Variants in ARHGEF10 observed in about 807,000 individuals in gnomAD.
ARHGEF10 encodes Rho guanine nucleotide exchange factor (GEF) 10.
Under a neutral mutation model 147.4 loss-of-function variants are expected in ARHGEF10, and 140 were observed. That is an observed-to-expected ratio of 0.95 (90% CI 0.83 to 1.09). The LOEUF is 1.09. ARHGEF10 is among the 50% of genes least tolerant of loss of function. The pLI, the probability that ARHGEF10 is intolerant of heterozygous loss-of-function variation, is 0.00. For missense variants in ARHGEF10, 2,222 were observed against 1,752.7 expected (o/e 1.27, Z -4.78); for synonymous variants, 902 against 695.8 (o/e 1.30, Z -4.67).
Position 1,892,639 on chromosome 8 carries a change from A to ATG in ARHGEF10, c.1183-919_1183-918dup, listed in dbSNP as rs1468669215. Among the ~76,000 whole-genome samples the ATG allele has an allele frequency of 7.4e-5, 11 of 148,772 alleles. No homozygotes were observed. The East Asian group carries it at 1.8e-3, about 25-fold the overall frequency. On this transcript the variant is annotated intron_variant, in intron 11 of 28. Coordinates refer to ENST00000349830, the MANE Select transcript of ARHGEF10 (RefSeq NM_014629.4). The stretch of plus-strand genomic sequence containing the variant: ...TACACTGGAGTACCCGTGTGTGTGC[A>ATG]TGTGTGTGTGTGGTGTGCTTCCGTG...
At position 1,863,208 on chromosome 8, in the gene ARHGEF10, C is replaced by G. The variant is rs537596296; in HGVS notation, c.482-1165C>G. Among the ~76,000 whole-genome samples the G allele has an allele frequency of 3.0e-4, 45 of 152,250 alleles. 1 individual carries two copies. Among genetic ancestry groups the G allele is most frequent in the Non-Finnish European group, 5.1e-4 (35 of 68,034 alleles). On this transcript the variant is annotated intron_variant, in intron 4 of 28. Transcript: ENST00000349830. ...ACACCTGCCACTCAGGAAGGTGGCCCGGAACACTGAACCAGCAGATGCATG... is the reference window on the plus strand; with the variant it reads ...ACACCTGCCACTCAGGAAGGTGGCCGGGAACACTGAACCAGCAGATGCATG...
chr8:1,930,976 C>A (rs973546341), intron 25 of ARHGEF10, among the ~76,000 whole-genome samples: 3 of 152,228 alleles, frequency 2.0e-5, no homozygotes, highest in Non-Finnish European at 4.4e-5. Flanking sequence ...GCCTGGATTC[C>A]GGTCTGCACC....
Position 1,903,441 on chromosome 8 carries a change from A to G in ARHGEF10, c.1811A>G (p.Tyr604Cys), listed in dbSNP as rs779771692. Residue 604 changes from tyrosine (Y) to cysteine (C), a missense_variant, in exon 16 of 29, where the codon TAC becomes TGC. Physicochemically the swap from Tyr to Cys is radical, Grantham distance 194. Transcript: ENST00000349830. ...KQIAKAINER[Y>C]LNKLLSSGSR... ...ATAGCCAAAGCCATAAACGAAAGAT[A>G]CCTGAACAAGGTTGAGAGAGGTTTT... is the stretch of plus-strand genomic sequence containing the variant. 1 of 1,614,182 alleles carries G rather than the reference A, an allele frequency of 6.2e-7. No individual in the cohort carries two copies. The highest frequency in any genetic ancestry group is 1.3e-5 in the African/African-American group (1 of 75,068).
rs1814810571 is a variant in ARHGEF10 at position 1,948,987 on chromosome 8, T to G, written c.3397+3332T>G. On this transcript the variant is annotated intron_variant, in intron 27 of 28. Coordinates refer to ENST00000349830, the MANE Select transcript of ARHGEF10 (RefSeq NM_014629.4). The surrounding 1 kb of genome is among the most constrained non-coding windows in gnomAD (Gnocchi z 4.9). Reference sequence around the variant, plus strand: ...ACACACAAAACCTTCATTCTAGAGTTGTATTCATGACGATGCTCAAATGGG... The same window carrying G: ...ACACACAAAACCTTCATTCTAGAGTGGTATTCATGACGATGCTCAAATGGG... 6.6e-6 allele frequency among the ~76,000 whole-genome samples: 1 copy of G among 151,668 alleles called. No homozygotes were observed. The highest frequency in any genetic ancestry group is 2.1e-4 in the South Asian group (1 of 4,784).
chr8:1,920,158 T>C (rs1245073240), intron 18 of ARHGEF10, among the ~76,000 whole-genome samples: 3 of 147,812 alleles, frequency 2.0e-5, no homozygotes, highest in Non-Finnish European at 3.0e-5. Context: ...TCCCTCAGGC[T>C]TACTGCGGAG....
intron 18 of ARHGEF10, among the ~76,000 whole-genome samples, chr8:1,915,447 C>T (rs1043566227): frequency 1.3e-5 from 2 of 152,218 alleles, no homozygotes; most frequent in African/African-American, 4.8e-5. Flanking sequence ...GACTTGGGTC[C>T]CTGTTAGAAT....
Position 1,928,179 on chromosome 8 carries a change from G to C in ARHGEF10, c.2698-248G>C, listed in dbSNP as rs149575316. ...ATGAGTACGTGATTTTTAAAGTATA[G>C]AAATGTGACTTTGTAGAAATGAAAG... On this transcript the variant is annotated intron_variant, in intron 23 of 28. Coordinates refer to ENST00000349830, the MANE Select transcript of ARHGEF10 (RefSeq NM_014629.4). Among the ~76,000 whole-genome samples, 119 of 152,236 alleles carry C rather than the reference G, an allele frequency of 7.8e-4. No homozygotes were observed. The East Asian group carries it at 0.022, about 28-fold the overall frequency.
chr8:1,920,575 A>G (rs1361568260), intron 18 of ARHGEF10, among the ~76,000 whole-genome samples: 1 of 151,510 alleles, frequency 6.6e-6, no homozygotes, highest in Non-Finnish European at 1.5e-5. Flanking sequence ...CAGTCCTCTC[A>G]CCTTGTGCTC....
At chr8:1,950,871 C>G (rs899615539) in intron 27 of ARHGEF10, among the ~76,000 whole-genome samples, 1 of 151,932 alleles carries the variant, frequency 6.6e-6, no homozygotes, top group Non-Finnish European at 1.5e-5. Flanking sequence ...TGAGCCACTG[C>G]GCCCGGCCTA....
At chr8:1,930,666 C>T (rs982966360) in intron 25 of ARHGEF10, among the ~76,000 whole-genome samples, 1 of 152,322 alleles carries the variant, frequency 6.6e-6, no homozygotes, top group Admixed American at 6.5e-5. Flanking sequence ...CTGCGCCAGC[C>T]CCTCCCAGAG....
intron 3 of ARHGEF10, among the ~76,000 whole-genome samples, 192 bp from the exon 4 acceptor site, chr8:1,859,705 C>T (rs1329951297): frequency 6.6e-6 from 1 of 152,184 alleles, no homozygotes; most frequent in Non-Finnish European, 1.5e-5. Flanking sequence ...CTCACCTGTG[C>T]CCAGAGGTGA....
intron 1 of ARHGEF10, among the ~76,000 whole-genome samples, chr8:1,842,106 C>G (rs1804140294): frequency 6.6e-6 from 1 of 150,964 alleles, no homozygotes; most frequent in African/African-American, 2.4e-5. Context: ...AACCACGAGG[C>G]CAGGTGCTGG....
chr8:1,845,476 G>A (rs1375639071), intron 2 of ARHGEF10, among the ~76,000 whole-genome samples: 1 of 152,172 alleles, frequency 6.6e-6, no homozygotes, highest in East Asian at 1.9e-4. Flanking sequence ...TGAGGAGGCG[G>A]GTACAGTTGT....
chr8:1,823,782 G>T (rs1802554092), upstream of ARHGEF10, among the ~76,000 whole-genome samples: 1 of 151,900 alleles, frequency 6.6e-6, no homozygotes, highest in African/African-American at 2.4e-5. Context: ...GGGGGCGCGG[G>T]CGGCCACGTG....
At chr8:1,885,956 G>C (rs917737059) in intron 11 of ARHGEF10, among the ~76,000 whole-genome samples, 1 of 152,164 alleles carries the variant, frequency 6.6e-6, no homozygotes, top group Non-Finnish European at 1.5e-5. Context: ...ATTTTGGACA[G>C]CACCCCTGCC....
At chr8:1,899,925 T>C (rs1469010979) in intron 15 of ARHGEF10, among the ~76,000 whole-genome samples, 1 of 152,132 alleles carries the variant, frequency 6.6e-6, no homozygotes, top group African/African-American at 2.4e-5. Flanking sequence ...GTCACCAGGC[T>C]GTGAACCATA....
At chr8:1,883,037 G>C (rs1213168759) in intron 10 of ARHGEF10, among the ~76,000 whole-genome samples, 2 of 152,190 alleles carry the variant, frequency 1.3e-5, no homozygotes, top group Non-Finnish European at 2.9e-5. Flanking sequence ...TGTCACTGTG[G>C]ATTCTTAGTA....
intron 28 of ARHGEF10, among the ~76,000 whole-genome samples, chr8:1,954,003 A>G (rs1413254719): frequency 1.3e-5 from 2 of 152,204 alleles, no homozygotes; most frequent in Admixed American, 6.5e-5. Context: ...TAGTTTTGCC[A>G]TTCATTTCCT....
At chr8:1,833,903 G>A (rs2129040648) in intron 1 of ARHGEF10, among the ~76,000 whole-genome samples, 1 of 152,344 alleles carries the variant, frequency 6.6e-6, no homozygotes, top group South Asian at 2.1e-4. Flanking sequence ...ACGGCACACA[G>A]CATTGTTGGG....
Sources: allele counts gnomAD v4.1 joint callset (sites outside exome capture counted in the v4.1 genomes callset), GRCh38; gene constraint gnomAD v4.1.1; non-coding constraint Gnocchi (gnomAD v3.1); transcripts MANE v1.5; gene names NCBI Gene and HGNC (gene_info 2026-07-23, HGNC 2026-07-21).